The following KCNMA1 variants were observed in gnomAD, a reference collection of about 807,000 sequenced individuals.
KCNMA1 encodes Calcium-activated potassium channel subunit alpha-1.
Under a neutral mutation model 140.0 loss-of-function variants are expected in KCNMA1, and 29 were observed. The observed-to-expected ratio is 0.21, with a 90% confidence interval of 0.15 to 0.28. KCNMA1 has a LOEUF of 0.28. Ranked by LOEUF, KCNMA1 falls within the 10% of genes least tolerant of loss-of-function variation. The pLI, the probability that KCNMA1 is intolerant of heterozygous loss-of-function variation, is 1.00. For missense variants in KCNMA1, 880 were observed against 1,602.2 expected (o/e 0.55, Z 7.70); for synonymous variants, 612 against 611.9 (o/e 1.00, Z 0.00).
At chr10:77,001,650 C>T in intron 18 of KCNMA1, 70 bp from the exon 19 acceptor site, 1 of 1,318,146 alleles carries the variant, frequency 7.6e-7, no homozygotes, top group Non-Finnish European at 1.1e-6. Flanking sequence ...CACAGCAAGG[C>T]AGCTGGAAGG....
At chr10:77,084,519 C>T (rs1160366003) in intron 12 of KCNMA1, 118 bp downstream of exon 12, 8 of 808,006 alleles carry the variant, frequency 9.9e-6, no homozygotes, top group East Asian at 2.7e-5. Context: ...GTGAGTTGTA[C>T]AGTGGCTTGT....
At chr10:77,462,965 T>C (rs1233844631) in intron 1 of KCNMA1, among the ~76,000 whole-genome samples, 1 of 152,128 alleles carries the variant, frequency 6.6e-6, no homozygotes, top group African/African-American at 2.4e-5. Context: ...GAAACCTCGA[T>C]GAAACTCAAA....
intron 23 of KCNMA1, among the ~76,000 whole-genome samples, chr10:76,927,476 A>G (rs1279372247): frequency 1.3e-5 from 2 of 152,210 alleles, no homozygotes; most frequent in Non-Finnish European, 2.9e-5. Context: ...TCAAGATGCT[A>G]TCTCGGGCAT....
rs547809678 is a variant in KCNMA1 at position 77,031,587 on chromosome 10, A to G, written c.1860-3696T>C. On this transcript the variant is annotated intron_variant, in intron 15 of 27. Coordinates refer to ENST00000286628, the MANE Select transcript of KCNMA1 (RefSeq NM_001161352.2). The stretch of plus-strand genomic sequence containing the variant: ...AGCAAGAGCTATGGCTCCCTCTGTG[A>G]GTGTTCAAATCACACGTTTCTGTTA... 2.0e-5 allele frequency among the ~76,000 whole-genome samples: 3 copies of G among 152,348 alleles called. No individual in the cohort carries two copies. In the South Asian group the frequency reaches 6.2e-4, roughly 32 times the overall value.
At chr10:77,406,817 T>C (rs1218014653) in intron 1 of KCNMA1, among the ~76,000 whole-genome samples, 1 of 152,094 alleles carries the variant, frequency 6.6e-6, no homozygotes, top group Non-Finnish European at 1.5e-5. Flanking sequence ...CCTCCCAGGA[T>C]GTTTCTGAAC....
intron 2 of KCNMA1, among the ~76,000 whole-genome samples, chr10:77,291,208 C>T (rs2073118786): frequency 6.6e-6 from 1 of 152,146 alleles, no homozygotes; most frequent in Non-Finnish European, 1.5e-5. Flanking sequence ...TAATTACAGG[C>T]CAGTATCACT....
chr10:77,220,566 C>G (rs80298954), intron 3 of KCNMA1, among the ~76,000 whole-genome samples: 1 of 152,132 alleles, frequency 6.6e-6, no homozygotes, highest in Non-Finnish European at 1.5e-5. Context: ...AAATCTGGGT[C>G]GTTTTTGTGC....
intron 3 of KCNMA1, among the ~76,000 whole-genome samples, chr10:77,225,794 C>A (rs2051178416): frequency 6.6e-6 from 1 of 152,180 alleles, no homozygotes; most frequent in Non-Finnish European, 1.5e-5. Context: ...AGCGTGGCAA[C>A]CTTCCTTGAA....
At chr10:77,351,623 A>T (rs1258642607) in intron 2 of KCNMA1, among the ~76,000 whole-genome samples, 1 of 152,148 alleles carries the variant, frequency 6.6e-6, no homozygotes, top group Non-Finnish European at 1.5e-5. Flanking sequence ...CCTTCCTCCC[A>T]GGGGGAAAAG....
At chr10:77,276,593 A>G (rs907408010) in intron 2 of KCNMA1, among the ~76,000 whole-genome samples, 2 of 152,186 alleles carry the variant, frequency 1.3e-5, no homozygotes, top group African/African-American at 4.8e-5. Flanking sequence ...ATCCAGGCTC[A>G]GCAGGTACTC....
At chr10:77,125,034 C>T (rs1018479459) in intron 5 of KCNMA1, among the ~76,000 whole-genome samples, 3 of 152,088 alleles carry the variant, frequency 2.0e-5, no homozygotes, top group Admixed American at 6.5e-5. Context: ...CATCAGATTT[C>T]GTGAGAACTC....
At position 77,019,114 on chromosome 10, in the gene KCNMA1, A is replaced by G; in HGVS notation, c.1929-15T>C. On this transcript the variant is annotated splice_polypyrimidine_tract_variant and intron_variant, in intron 16 of 27. Coordinates refer to ENST00000286628, the MANE Select transcript of KCNMA1 (RefSeq NM_001161352.2). The stretch of plus-strand genomic sequence containing the variant: ...TAATTAATATACTGCTCAGTGAACA[A>G]AAACAAACAGAGAAGATACATTTGT... 7.6e-7 allele frequency: 1 copy of G among 1,312,842 alleles called. No homozygotes were observed. The highest frequency in any genetic ancestry group is 1.1e-6 in the Non-Finnish European group (1 of 906,380). The allele number at this position is 1,312,842 out of a possible 1,614,324, so 81.3% of individuals were successfully genotyped here.
At chr10:77,186,263 A>G (rs2098848511) in intron 3 of KCNMA1, among the ~76,000 whole-genome samples, 1 of 152,050 alleles carries the variant, frequency 6.6e-6, no homozygotes, top group Non-Finnish European at 1.5e-5. Flanking sequence ...TCATCTCCCA[A>G]ATCACGTGGA....
At chr10:77,133,277 T>C (rs2097903696) in intron 5 of KCNMA1, among the ~76,000 whole-genome samples, 1 of 151,792 alleles carries the variant, frequency 6.6e-6, no homozygotes, top group Admixed American at 6.5e-5. Context: ...AGTCCAAATA[T>C]ATTTGTAATC....
intron 19 of KCNMA1, among the ~76,000 whole-genome samples, chr10:77,000,875 T>A (rs765608602): frequency 0.54 from 45,999 of 85,574 alleles, 12,859 homozygotes; most frequent in Middle Eastern, 0.62. Context: ...TATATATATA[T>A]ATATATATAT....
intron 21 of KCNMA1, among the ~76,000 whole-genome samples, chr10:76,952,317 G>T (rs1455670707): frequency 6.6e-6 from 1 of 152,078 alleles, no homozygotes; most frequent in Non-Finnish European, 1.5e-5. Context: ...TCAAGAAATC[G>T]AGACCATCCT....
chr10:77,392,740 G>A (rs190105846), intron 2 of KCNMA1, among the ~76,000 whole-genome samples: 9 of 152,310 alleles, frequency 5.9e-5, no homozygotes, highest in Admixed American at 4.6e-4. Context: ...GACCTCACAC[G>A]CTTTCCCATC....
At chr10:77,217,080 G>A (rs942640855) in intron 3 of KCNMA1, among the ~76,000 whole-genome samples, 7 of 152,006 alleles carry the variant, frequency 4.6e-5, no homozygotes, top group Admixed American at 1.3e-4. Context: ...TGAGGCGGGC[G>A]GATCACCTGA....
At chr10:77,567,979 T>G (rs889186689) in intron 1 of KCNMA1, among the ~76,000 whole-genome samples, 8 of 152,020 alleles carry the variant, frequency 5.3e-5, no homozygotes, top group Non-Finnish European at 1.2e-4. Context: ...AACTAGAAAA[T>G]CTAGAAGAAA....
Sources: gnomAD v4.1 joint callset for allele counts (sites outside exome capture counted in the v4.1 genomes callset) on GRCh38, gnomAD v4.1.1 for gene constraint, MANE v1.5 for transcripts, NCBI Gene and HGNC (gene_info 2026-07-23, HGNC 2026-07-21) for gene names.